The following B3GLCT variants were observed in gnomAD, a reference collection of about 807,000 sequenced individuals.
B3GLCT encodes the protein beta 3-glucosyltransferase.
A neutral mutation model predicts 63.4 loss-of-function variants in B3GLCT; 65 were observed. The observed-to-expected ratio is 1.03, with a 90% confidence interval of 0.84 to 1.26. The LOEUF is 1.26. Among genes scored for constraint, B3GLCT ranks in the 50% most tolerant of loss-of-function variants. The pLI, the probability that B3GLCT is intolerant of heterozygous loss-of-function variation, is 0.00. For missense variants in B3GLCT, 577 were observed against 604.8 expected, an observed-to-expected ratio of 0.95 and a Z score of 0.48; for synonymous variants, 233 against 219.2, an observed-to-expected ratio of 1.06 and a Z score of -0.55.
chr13:31,291,771 T>A (rs1873673832), intron 12 of B3GLCT, among the ~76,000 whole-genome samples: 1 of 152,206 alleles, frequency 6.6e-6, no homozygotes, highest in African/African-American at 2.4e-5. Flanking sequence ...ACAGAGACAA[T>A]CTGACTTCCT....
chr13:31,324,105 C>G (rs1875485632), intron 14 of B3GLCT, among the ~76,000 whole-genome samples: 1 of 152,182 alleles, frequency 6.6e-6, no homozygotes, highest in South Asian at 2.1e-4. Context: ...GCAAAAACGT[C>G]TCGAAAACCA....
intron 1 of B3GLCT, among the ~76,000 whole-genome samples, chr13:31,200,375 C>T (rs983542850): frequency 3.3e-5 from 5 of 149,510 alleles, no homozygotes; most frequent in Non-Finnish European, 6.0e-5. Flanking sequence ...CGTGCCCGCT[C>T]GGCCCCTTTC....
At chr13:31,220,913 T>A (rs1053488719) in intron 2 of B3GLCT, among the ~76,000 whole-genome samples, 1 of 152,248 alleles carries the variant, frequency 6.6e-6, no homozygotes, top group African/African-American at 2.4e-5. Context: ...TTTAACTTGT[T>A]GATGAAGGTG....
chr13:31,293,267 T>G (rs983132721), intron 12 of B3GLCT, among the ~76,000 whole-genome samples: 1 of 152,208 alleles, frequency 6.6e-6, no homozygotes, highest in Non-Finnish European at 1.5e-5. Flanking sequence ...CTGTGAAGAA[T>G]GTATATTCTG....
intron 13 of B3GLCT, 26 bp from the exon 14 acceptor site, chr13:31,323,725 C>G (rs560843233): frequency 1.4e-5 from 23 of 1,613,952 alleles, no homozygotes; most frequent in Non-Finnish European, 1.9e-5. Context: ...TTCTCTAACC[C>G]CTTTCTCTGC....
rs372593673 is a variant in B3GLCT, at chr13:31,204,818, G to T, written c.70+4664G>T. The stretch of plus-strand genomic sequence containing the variant: ...TCTCTCAGACTCTGGGACTGATTAG[G>T]TTCAGTGTGCTGGGAGAAAGGGTGG... On this transcript the variant is annotated intron_variant, in intron 1 of 14. Transcript: ENST00000343307. Among the ~76,000 whole-genome samples, 3 of 152,088 alleles carry T rather than the reference G, an allele frequency of 2.0e-5. No homozygotes were observed. The East Asian group carries it at 5.8e-4, about 29-fold the overall frequency.
intron 6 of B3GLCT, among the ~76,000 whole-genome samples, chr13:31,256,256 G>A (rs1871733691): frequency 6.6e-6 from 1 of 152,166 alleles, no homozygotes; most frequent in African/African-American, 2.4e-5. Context: ...CAGTTAGAAT[G>A]GCGATCATTA....
intron 4 of B3GLCT, among the ~76,000 whole-genome samples, chr13:31,233,410 C>T (rs1397238389): frequency 6.6e-6 from 1 of 152,006 alleles, no homozygotes; most frequent in Non-Finnish European, 1.5e-5. Flanking sequence ...AGATGGAAAT[C>T]CTTCAGTATT....
chr13:31,216,918 G>T (rs1566044356), intron 2 of B3GLCT, among the ~76,000 whole-genome samples: 1 of 152,138 alleles, frequency 6.6e-6, no homozygotes, highest in Non-Finnish European at 1.5e-5. Flanking sequence ...ATATATGTGT[G>T]CATGTGTCTT....
chr13:31,215,103 A>G lies in B3GLCT; in HGVS notation c.120+3A>G, dbSNP rs763599678. The stretch of plus-strand genomic sequence containing the variant: ...AGAAAGAGGTCAAGCAGTCTCAGGT[A>G]CTAATCCCAATGATCAAATCTTTTC... On this transcript the variant is annotated splice_donor_region_variant and intron_variant, in intron 2 of 14. Coordinates refer to ENST00000343307, the MANE Select transcript of B3GLCT (RefSeq NM_194318.4). 3 of 1,610,886 alleles carry G rather than the reference A, an allele frequency of 1.9e-6. No homozygotes were observed. Among genetic ancestry groups the G allele is most frequent in the African/African-American group, 1.3e-5 (1 of 74,874 alleles).
chr13:31,237,092 C>G (rs1393245776), intron 4 of B3GLCT, among the ~76,000 whole-genome samples: 1 of 150,066 alleles, frequency 6.7e-6, no homozygotes, highest in African/African-American at 2.4e-5. Flanking sequence ...CACCACTGCA[C>G]TCCGGCCTGG....
intron 12 of B3GLCT, chr13:31,312,536 A>G (rs1874771501): frequency 6.6e-6 from 1 of 152,242 alleles, no homozygotes; most frequent in African/African-American, 2.4e-5. Context: ...ATGTGGAAAC[A>G]AATTTAGTAC....
chr13:31,280,922 C>T lies in B3GLCT; in HGVS notation c.851-3726C>T, dbSNP rs553144491. Among the ~76,000 whole-genome samples, 4 of 152,256 alleles carry T rather than the reference C, an allele frequency of 2.6e-5. No homozygotes were observed. In the East Asian group the frequency reaches 5.8e-4, roughly 22 times the overall value. On this transcript the variant is annotated intron_variant, in intron 10 of 14. Transcript: ENST00000343307. ...TTTTAAAGAAACTTGAGAACTGTTA[C>T]ATAAGGTGATGAATTGGGCATAGCA...
At chr13:31,210,314 C>G (rs1375064348) in intron 1 of B3GLCT, among the ~76,000 whole-genome samples, 4 of 152,188 alleles carry the variant, frequency 2.6e-5, no homozygotes, top group African/African-American at 7.2e-5. Flanking sequence ...ATGATTTACC[C>G]TGGAATATTT....
chr13:31,230,421 ATTGTTTTCT>A (rs1870318866), intron 4 of B3GLCT, among the ~76,000 whole-genome samples: 1 of 152,202 alleles, frequency 6.6e-6, no homozygotes, highest in African/African-American at 2.4e-5. Flanking sequence ...TGCGTGACAG[ATTGTTTTCT>A]TTCTCTTCAT....
chr13:31,293,773 G>T (rs754270900), intron 12 of B3GLCT, among the ~76,000 whole-genome samples: 16 of 152,144 alleles, frequency 1.1e-4, no homozygotes, highest in Non-Finnish European at 1.9e-4. Context: ...TTGCCAGTCT[G>T]TGTCTTTTAA....
chr13:31,309,043 C>A (rs1179726168), intron 12 of B3GLCT, among the ~76,000 whole-genome samples: 2 of 152,152 alleles, frequency 1.3e-5, no homozygotes, highest in African/African-American at 4.8e-5. Flanking sequence ...ACCAATTCTC[C>A]ATCTCTAAAT....
chr13:31,302,382 A>T (rs1176808126), intron 12 of B3GLCT, among the ~76,000 whole-genome samples: 1 of 151,460 alleles, frequency 6.6e-6, no homozygotes, highest in Non-Finnish European at 1.5e-5. Context: ...GCGACGCAGA[A>T]GACGGGTGAT....
chr13:31,206,574 A>G (rs1246995486), intron 1 of B3GLCT, among the ~76,000 whole-genome samples: 1 of 129,532 alleles, frequency 7.7e-6, no homozygotes. Flanking sequence ...CCCTGTCTCT[A>G]CTAAAAATGC....
Sources: allele counts gnomAD v4.1 joint callset (sites outside exome capture counted in the v4.1 genomes callset), GRCh38; gene constraint gnomAD v4.1.1; transcripts MANE v1.5; gene names NCBI Gene and HGNC (gene_info 2026-07-23, HGNC 2026-07-21).